The following SCAI variants were observed in gnomAD, a reference collection of about 807,000 sequenced individuals.
SCAI encodes suppressor of cancer cell invasion.
Under a neutral mutation model 92.2 loss-of-function variants are expected in SCAI, and 24 were observed. The ratio of observed to expected loss-of-function variants is 0.26; its 90% CI spans 0.19 to 0.37. The LOEUF is 0.37. Among genes scored for constraint, SCAI ranks in the 10% least tolerant of loss-of-function variants. The pLI is 1.00. For synonymous variants in SCAI, 261 were observed against 258.6 expected, an observed-to-expected ratio of 1.01 and a Z score of -0.09; for missense variants, 450 against 736.2, an observed-to-expected ratio of 0.61 and a Z score of 4.50.
chr9:125,099,823 T>C (rs892170737), intron 2 of SCAI, among the ~76,000 whole-genome samples: 7 of 152,244 alleles, frequency 4.6e-5, no homozygotes, highest in Admixed American at 3.3e-4. Context: ...TCATTCAGCA[T>C]AGTGTCTTCA....
chr9:124,993,483 G>A (rs576508805), intron 14 of SCAI, among the ~76,000 whole-genome samples: 1 of 152,286 alleles, frequency 6.6e-6, no homozygotes, highest in African/African-American at 2.4e-5. Flanking sequence ...CCAACTACTT[G>A]GGAGGCTAAG....
Position 124,948,482 on chromosome 9 carries a change from T to C in SCAI, c.*4325A>G, listed in dbSNP as rs561890167. The stretch of plus-strand genomic sequence containing the variant: ...ATACTGTTTTGTGCCAAAATACAAA[T>C]CCCTAATTATTCTTTCTTGTTCATT... On this transcript the variant is annotated 3_prime_UTR_variant, in exon 18 of 18. Transcript: ENST00000336505. The C allele has an allele frequency of 2.0e-5, 3 of 152,324 alleles. No individual in the cohort carries two copies. Among genetic ancestry groups the C allele is most frequent in the African/African-American group, 7.2e-5 (3 of 41,560 alleles). The allele number at this position is 152,324 out of a possible 1,614,324, so 9.4% of individuals were successfully genotyped here. A position where few individuals can be genotyped will look rare whatever the true frequency, so the allele number is the denominator to read the frequency against.
chr9:125,033,551 G>C (rs1315670386), intron 3 of SCAI, among the ~76,000 whole-genome samples: 1 of 152,090 alleles, frequency 6.6e-6, no homozygotes, highest in Non-Finnish European at 1.5e-5. Flanking sequence ...AAGTCTTTCT[G>C]GTCTTTCTAT....
intron 2 of SCAI, among the ~76,000 whole-genome samples, chr9:125,074,435 T>G (rs1588199903): frequency 6.7e-6 from 1 of 150,224 alleles, no homozygotes; most frequent in Admixed American, 6.6e-5. Context: ...TATTGTATTT[T>G]TAGTAGAGAT....
intron 2 of SCAI, among the ~76,000 whole-genome samples, chr9:125,107,163 C>A (rs932096384): frequency 6.6e-6 from 1 of 151,912 alleles, no homozygotes; most frequent in Non-Finnish European, 1.5e-5. Flanking sequence ...GTAATCCCAG[C>A]ACTTTGGGAG....
chr9:124,971,529 G>A, intron 16 of SCAI, 59 bp from the exon 17 acceptor site: 1 of 1,463,096 alleles, frequency 6.8e-7, no homozygotes, highest in Non-Finnish European at 9.5e-7. Context: ...ATGTTTCAAA[G>A]GGGAAGGAAA....
rs200652923 is a variant in SCAI at position 125,046,341 on chromosome 9, A to G, written c.230+9535T>C. Reference sequence around the variant, plus strand: ...TACACACACACACACACATATATATATGTGTGTGTGTGTATATATATATGA... The same window carrying G: ...TACACACACACACACACATATATATGTGTGTGTGTGTGTATATATATATGA... On this transcript the variant is annotated intron_variant, in intron 3 of 17. Transcript: ENST00000336505. 4.5e-3 allele frequency among the ~76,000 whole-genome samples: 365 copies of G among 80,314 alleles called. 6 individuals carry two copies. The highest frequency in any genetic ancestry group is 5.1e-3 in the Non-Finnish European group (215 of 41,898). 52.7% of individuals were successfully genotyped at this position (80,314 alleles called of 152,430 possible).
At chr9:125,060,675 G>A (rs1013142040) in intron 2 of SCAI, among the ~76,000 whole-genome samples, 1 of 152,136 alleles carries the variant, frequency 6.6e-6, no homozygotes, top group Admixed American at 6.6e-5. Context: ...TATCAGGGGT[G>A]TCCGCTTTTG....
intron 3 of SCAI, among the ~76,000 whole-genome samples, chr9:125,036,651 T>C (rs896886745): frequency 1.3e-5 from 2 of 152,220 alleles, no homozygotes; most frequent in Non-Finnish European, 2.9e-5. Flanking sequence ...GTAATTTATA[T>C]ACATAGTATA....
chr9:125,035,513 G>C (rs1375172399), intron 3 of SCAI, among the ~76,000 whole-genome samples: 3 of 152,070 alleles, frequency 2.0e-5, no homozygotes, highest in African/African-American at 7.2e-5. Flanking sequence ...AGTCAGACTG[G>C]CTTGGTACCA....
intron 2 of SCAI, among the ~76,000 whole-genome samples, chr9:125,126,422 TGAGA>T (rs1303281040): frequency 1.5e-3 from 214 of 142,994 alleles, no homozygotes; most frequent in African/African-American, 5.0e-3. Flanking sequence ...TGTGTGTGTG[TGAGA>T]GAGAGAGAGA....
intron 9 of SCAI, among the ~76,000 whole-genome samples, chr9:125,011,578 G>T (rs905214415): frequency 8.5e-5 from 13 of 152,212 alleles, no homozygotes; most frequent in Non-Finnish European, 1.5e-4. Flanking sequence ...GAAAGTGACA[G>T]GGAGAATGGA....
At chr9:125,120,491 G>C (rs906633789) in intron 2 of SCAI, among the ~76,000 whole-genome samples, 1 of 152,108 alleles carries the variant, frequency 6.6e-6, no homozygotes, top group Non-Finnish European at 1.5e-5. Flanking sequence ...TCAGGAGTTC[G>C]AGACCAGCCT....
At chr9:125,043,618 A>G (rs975093256) in intron 3 of SCAI, among the ~76,000 whole-genome samples, 3 of 152,044 alleles carry the variant, frequency 2.0e-5, no homozygotes, top group Admixed American at 1.3e-4. Context: ...ATGGCACCAC[A>G]CTCAGCTAAT....
chr9:125,093,600 C>G (rs1430818835), intron 2 of SCAI, among the ~76,000 whole-genome samples: 1 of 148,970 alleles, frequency 6.7e-6, no homozygotes, highest in African/African-American at 2.5e-5. Context: ...GGGTCTCGCT[C>G]TGTCACCCAG....
intron 3 of SCAI, among the ~76,000 whole-genome samples, chr9:125,032,219 GTC>G (rs1833091803): frequency 8.6e-6 from 1 of 116,918 alleles, no homozygotes. Context: ...TTGAGATGGA[GTC>G]TCTATCTGTC....
intron 2 of SCAI, among the ~76,000 whole-genome samples, chr9:125,081,242 G>A (rs1245301222): frequency 6.6e-6 from 1 of 152,246 alleles, no homozygotes; most frequent in Non-Finnish European, 1.5e-5. Flanking sequence ...GGTTGGAACA[G>A]TTTGGAGGGC....
chr9:124,963,203 C>T (rs1363382745), intron 17 of SCAI, among the ~76,000 whole-genome samples: 1 of 151,760 alleles, frequency 6.6e-6, no homozygotes, highest in Non-Finnish European at 1.5e-5. Context: ...ATGGTGCAAT[C>T]TTGGCTCACT....
intron 2 of SCAI, among the ~76,000 whole-genome samples, chr9:125,108,805 C>T (rs1834871795): frequency 6.6e-6 from 1 of 152,180 alleles, no homozygotes; most frequent in Non-Finnish European, 1.5e-5. Context: ...GCCGCCCCTT[C>T]TGGGAAGTGA....
Sources: allele counts gnomAD v4.1 joint callset (sites outside exome capture counted in the v4.1 genomes callset), GRCh38; gene constraint gnomAD v4.1.1; transcripts MANE v1.5; gene names NCBI Gene and HGNC (gene_info 2026-07-23, HGNC 2026-07-21).